The following UPRT variants were observed in gnomAD, a reference collection of about 807,000 sequenced individuals.
UPRT encodes RP11-311P8.3.
UPRT carries 5 observed loss-of-function variants against 22.6 expected under a neutral mutation model. The ratio of observed to expected loss-of-function variants is 0.22; its 90% CI spans 0.12 to 0.47. The LOEUF (loss-of-function observed/expected upper bound fraction) is 0.47, where lower values mean the gene tolerates loss of function less well. Among genes scored for constraint, UPRT ranks in the 20% least tolerant of loss-of-function variants. UPRT has a pLI of 0.99. For missense variants in UPRT, 181 were observed against 239.9 expected, an observed-to-expected ratio of 0.75 and a Z score of 1.62; for synonymous variants, 77 against 87.7, an observed-to-expected ratio of 0.88 and a Z score of 0.68.
chrX:75,269,731 T>G, upstream of UPRT, among the ~76,000 whole-genome samples: 1 of 112,098 alleles, frequency 8.9e-6, no homozygotes, highest in South Asian at 3.7e-4. Flanking sequence ...GACCCCTTTC[T>G]AACACTTTAT....
At chrX:75,177,854 C>G (rs1357573611) in intron 4 of UPRT, among the ~76,000 whole-genome samples, 1 of 111,917 alleles carries the variant, frequency 8.9e-6, no homozygotes, top group African/African-American at 3.3e-5. Context: ...AGAAGTCATT[C>G]TTATAGGAGA....
intron 4 of UPRT, among the ~76,000 whole-genome samples, chrX:75,195,443 T>C (rs1466772181): frequency 9.0e-6 from 1 of 111,214 alleles, no homozygotes. Context: ...AGGGGAGCAA[T>C]GTAAGGTTTG....
intron 4 of UPRT, among the ~76,000 whole-genome samples, chrX:75,238,726 A>T (rs2082478425): frequency 8.9e-6 from 1 of 111,967 alleles, no homozygotes; most frequent in Admixed American, 9.6e-5. Flanking sequence ...ACAAGAAGTG[A>T]CTCAAGAAAT....
intron 1 of UPRT, among the ~76,000 whole-genome samples, chrX:75,158,397 A>G (rs2082189847): frequency 8.9e-6 from 1 of 112,401 alleles, no homozygotes; most frequent in African/African-American, 3.2e-5. Flanking sequence ...CAATAATTAA[A>G]TGTGTATAGT....
intron 4 of UPRT, among the ~76,000 whole-genome samples, chrX:75,181,211 A>C (rs2082269195): frequency 9.0e-6 from 1 of 110,719 alleles, no homozygotes; most frequent in African/African-American, 3.3e-5. Context: ...TCATTGGTGT[A>C]CGTGTCTGTT....
At chrX:75,202,944 C>T (rs1339978225) in intron 4 of UPRT, 1 of 111,773 alleles carries the variant, frequency 8.9e-6, no homozygotes, top group African/African-American at 3.3e-5. Flanking sequence ...CAAATTTACA[C>T]ATAACAATAA....
chrX:75,263,807 G>A (rs2082577232), intron 4 of UPRT, among the ~76,000 whole-genome samples: 1 of 111,100 alleles, frequency 9.0e-6, no homozygotes, highest in Non-Finnish European at 1.9e-5. Flanking sequence ...TAATTGTGAT[G>A]TTAGGGTGTC....
chrX:75,189,243 A>G (rs1179358236), intron 4 of UPRT, among the ~76,000 whole-genome samples: 2 of 111,965 alleles, frequency 1.8e-5, no homozygotes, highest in Non-Finnish European at 3.8e-5. Context: ...TTATGTACCC[A>G]GTAGTCATTC....
At chrX:75,243,516 GA>G (rs967885559) in intron 4 of UPRT, among the ~76,000 whole-genome samples, 2 of 111,518 alleles carry the variant, frequency 1.8e-5, no homozygotes, top group Non-Finnish European at 3.8e-5. Flanking sequence ...GAACGTAGAT[GA>G]AACTTTTTTT....
At chrX:75,207,382 T>C (rs2082370018) in intron 4 of UPRT, among the ~76,000 whole-genome samples, 1 of 111,553 alleles carries the variant, frequency 9.0e-6, no homozygotes, top group Non-Finnish European at 1.9e-5. Context: ...GCAATGATAG[T>C]ATAGCCATGG....
At chrX:75,196,006 A>T (rs1384682522) in intron 4 of UPRT, among the ~76,000 whole-genome samples, 1 of 111,931 alleles carries the variant, frequency 8.9e-6, no homozygotes, top group East Asian at 2.8e-4. Flanking sequence ...GTCCCTTGCA[A>T]TTCCATGTAT....
chrX:75,182,697 C>T (rs1219652082), intron 4 of UPRT, among the ~76,000 whole-genome samples: 7 of 111,499 alleles, frequency 6.3e-5, no homozygotes, highest in Admixed American at 3.8e-4. Context: ...AGATAATGTT[C>T]TCTTTTTCAT....
chrX:75,239,966 A>G (rs1329256643), intron 4 of UPRT, among the ~76,000 whole-genome samples: 1 of 111,497 alleles, frequency 9.0e-6, no homozygotes, highest in Non-Finnish European at 1.9e-5. Context: ...GAAGTTATCT[A>G]TGATAAATCC....
At chrX:75,262,499 A>C in intron 4 of UPRT, among the ~76,000 whole-genome samples, 1 of 111,968 alleles carries the variant, frequency 8.9e-6, no homozygotes, top group East Asian at 2.8e-4. Flanking sequence ...AAATTGGATG[A>C]AGATTCAAGA....
intron 4 of UPRT, among the ~76,000 whole-genome samples, chrX:75,225,217 G>A (rs187649562): frequency 2.7e-5 from 3 of 110,032 alleles, no homozygotes; most frequent in Admixed American, 9.8e-5. Flanking sequence ...CTATAATCCC[G>A]GCAATTTGGA....
chrX:75,170,189 A>C (rs1251716025), intron 4 of UPRT, among the ~76,000 whole-genome samples: 2 of 110,222 alleles, frequency 1.8e-5, no homozygotes, highest in Non-Finnish European at 3.8e-5. Context: ...GGTGCACGCC[A>C]CCACGCCCAG....
intron 3 of UPRT, among the ~76,000 whole-genome samples, chrX:75,164,471 C>T (rs1337214278): frequency 9.0e-6 from 1 of 111,675 alleles, no homozygotes; most frequent in Non-Finnish European, 1.9e-5. Flanking sequence ...GGTGTTGATA[C>T]ATGCTACAAC....
intron 4 of UPRT, among the ~76,000 whole-genome samples, chrX:75,234,265 G>A (rs1294169493): frequency 9.0e-6 from 1 of 111,263 alleles, no homozygotes; most frequent in Non-Finnish European, 1.9e-5. Context: ...ACCCAATACA[G>A]GAGCACCCAG....
At chrX:75,167,536 A>AAGG (rs1215824972) in intron 3 of UPRT, among the ~76,000 whole-genome samples, 1 of 112,030 alleles carries the variant, frequency 8.9e-6, no homozygotes, top group African/African-American at 3.2e-5. Flanking sequence ...TAAATCATTG[A>AAGG]AGGACTTGGT....
Sources: allele counts gnomAD v4.1 joint callset (sites outside exome capture counted in the v4.1 genomes callset), GRCh38; gene constraint gnomAD v4.1.1; transcripts MANE v1.5; gene names NCBI Gene and HGNC (gene_info 2026-07-23, HGNC 2026-07-21).